Variants in TMEM63C observed in about 807,000 individuals in gnomAD.
TMEM63C encodes the protein transmembrane protein 63C.
TMEM63C carries 32 observed loss-of-function variants against 99.2 expected under a neutral mutation model. The ratio of observed to expected loss-of-function variants is 0.32; its 90% CI spans 0.24 to 0.43. TMEM63C has a LOEUF of 0.43. Ranked by LOEUF, TMEM63C falls within the 20% of genes least tolerant of loss-of-function variation. The pLI is 1.00. For missense variants in TMEM63C, 826 were observed against 1,053.0 expected, an observed-to-expected ratio of 0.78 and a Z score of 2.98; for synonymous variants, 376 against 397.9, an observed-to-expected ratio of 0.94 and a Z score of 0.66.
chr14:77,219,560 G>A lies in TMEM63C; in HGVS notation c.213G>A (p.Leu71=). The change falls in exon 4 of 24, where the codon CTG becomes CTA. Residue 71 remains leucine, a synonymous_variant. Transcript: ENST00000298351. ...CGTGGGACTATGGGCGCCTGGCTCT[G>A]CTGATACACAATGACAGGTGAGGAG... ...KAAWDYGRLA[L]LIHNDSLTSL... 1 of 1,613,990 alleles carries A rather than the reference G, an allele frequency of 6.2e-7. No individual in the cohort carries two copies. Among genetic ancestry groups the A allele is most frequent in the Non-Finnish European group, 8.5e-7 (1 of 1,179,896 alleles).
At chr14:77,237,604 T>G (rs914828587) in intron 9 of TMEM63C, among the ~76,000 whole-genome samples, 2 of 152,170 alleles carry the variant, frequency 1.3e-5, no homozygotes, top group Non-Finnish European at 2.9e-5. Context: ...TTCCACCAGC[T>G]CCCTGTCCAC....
chr14:77,218,275 G>C (rs1273647406), intron 2 of TMEM63C, among the ~76,000 whole-genome samples: 1 of 151,028 alleles, frequency 6.6e-6, no homozygotes, highest in South Asian at 2.1e-4. Flanking sequence ...GCACATGCCA[G>C]GCACTGCATT....
intron 5 of TMEM63C, among the ~76,000 whole-genome samples, chr14:77,223,514 G>A (rs931994299): frequency 2.0e-5 from 3 of 152,174 alleles, no homozygotes; most frequent in East Asian, 1.9e-4. Context: ...ACTCTGTCAC[G>A]TCAGCTGAGC....
In TMEM63C at chr14:77,248,421, T is replaced by C. The variant is rs775310673; in HGVS notation, c.1676T>C (p.Met559Thr). The change falls in exon 19 of 24, where the codon ATG becomes ACG. Residue 559 changes from methionine (M) to threonine (T), a missense_variant. Coordinates refer to ENST00000298351, the MANE Select transcript of TMEM63C (RefSeq NM_020431.4). Reference protein sequence around the residue: ...VITAALLGTGMELLRLGSLFC... With the variant: ...VITAALLGTGTELLRLGSLFC... ...ACGGCAGCTTTACTTGGCACAGGCATGGAGCTGCTGCGTCTGGGGTCACTC... is the reference window on the plus strand; with the variant it reads ...ACGGCAGCTTTACTTGGCACAGGCACGGAGCTGCTGCGTCTGGGGTCACTC... The C allele has an allele frequency of 1.3e-6, 2 of 1,596,642 alleles. No individual in the cohort carries two copies. Among genetic ancestry groups the C allele is most frequent in the Non-Finnish European group, 1.7e-6 (2 of 1,171,780 alleles).
At chr14:77,254,772 TATTACC>T (rs779437519) in intron 23 of TMEM63C, among the ~76,000 whole-genome samples, 1 of 152,196 alleles carries the variant, frequency 6.6e-6, no homozygotes, top group Non-Finnish European at 1.5e-5. Context: ...AATCTTGCCT[TATTACC>T]ACAGGGCTAT....
At chr14:77,214,444 CT>C (rs1413395989) in intron 2 of TMEM63C, among the ~76,000 whole-genome samples, 1 of 152,152 alleles carries the variant, frequency 6.6e-6, no homozygotes, top group East Asian at 1.9e-4. Flanking sequence ...CCCAGTCCAG[CT>C]TCCCTTTCCA....
intron 16 of TMEM63C, among the ~76,000 whole-genome samples, 167 bp from the exon 17 acceptor site, chr14:77,245,773 G>A (rs1376112317): frequency 2.0e-5 from 3 of 152,182 alleles, no homozygotes; most frequent in Non-Finnish European, 4.4e-5. Context: ...ATCTCCCACT[G>A]GGTCCCTCCC....
Position 77,220,091 on chromosome 14 carries a change from AGTGCTGGGAGCG to A in TMEM63C, c.312+7_312+18del. On this transcript the variant is annotated splice_donor_5th_base_variant and intron_variant, in intron 5 of 23. Coordinates refer to ENST00000298351, the MANE Select transcript of TMEM63C (RefSeq NM_020431.4). ...GGAGATGGAACGCAGAGACAAGGTGAGTGCTGGGAGCGGTCTGGGCGGTGGGAGTCCCAGCAC... is the reference window on the plus strand; with the variant it reads ...GGAGATGGAACGCAGAGACAAGGTGAGTCTGGGCGGTGGGAGTCCCAGCAC... 6.4e-7 allele frequency: 1 copy of A among 1,555,634 alleles called. No homozygotes were observed. The highest frequency in any genetic ancestry group is 1.2e-5 in the South Asian group (1 of 84,186).
chr14:77,208,387 C>T (rs1345841604), intron 1 of TMEM63C, among the ~76,000 whole-genome samples: 1 of 152,174 alleles, frequency 6.6e-6, no homozygotes, highest in African/African-American at 2.4e-5. Flanking sequence ...TCTCACACCA[C>T]CCCCTCCCTG....
At chr14:77,240,931 CTTTTTTTTTTT>C (rs575279817) in intron 13 of TMEM63C, among the ~76,000 whole-genome samples, 2 of 128,482 alleles carry the variant, frequency 1.6e-5, no homozygotes, top group Non-Finnish European at 3.2e-5. Flanking sequence ...TTCCCTTTTT[CTTTTTTTTTTT>C]TTTTCTTTTT....
chr14:77,224,296 C>T (rs188186880), intron 5 of TMEM63C, among the ~76,000 whole-genome samples: 168 of 152,132 alleles, frequency 1.1e-3, no homozygotes, highest in Non-Finnish European at 1.6e-3. Flanking sequence ...GCATAAGGCC[C>T]GCCTTCTAAG....
intron 13 of TMEM63C, among the ~76,000 whole-genome samples, chr14:77,241,816 G>A (rs1026639076): frequency 1.3e-5 from 2 of 152,180 alleles, no homozygotes; most frequent in Admixed American, 1.3e-4. Context: ...AGGATCCGGG[G>A]CTTAATTACA....
chr14:77,211,581 G>A (rs1888498402), intron 1 of TMEM63C, among the ~76,000 whole-genome samples: 1 of 152,218 alleles, frequency 6.6e-6, no homozygotes. Context: ...AAGGGGAAGT[G>A]GGAAGCAAAG....
chr14:77,242,987 C>T lies in TMEM63C; in HGVS notation c.1272C>T (p.Leu424=), dbSNP rs373898535. 2.2e-5 allele frequency: 36 copies of T among 1,614,030 alleles called. No homozygotes were observed. Among genetic ancestry groups the T allele is most frequent in the African/African-American group, 2.1e-4 (16 of 75,060 alleles). Residue 424 remains leucine, a synonymous_variant, in exon 15 of 24, where the codon CTC becomes CTT. Coordinates refer to ENST00000298351, the MANE Select transcript of TMEM63C (RefSeq NM_020431.4). ...NTFLFFLFFF[L]TTPAIIMNTI... ...TCCTCTTCTTCCTCTTCTTCTTTCT[C>T]ACCACGCCTGCCATCATCATGAACA...
At chr14:77,222,828 A>G (rs1287810889) in intron 5 of TMEM63C, among the ~76,000 whole-genome samples, 1 of 152,150 alleles carries the variant, frequency 6.6e-6, no homozygotes, top group Non-Finnish European at 1.5e-5. Flanking sequence ...AGCCACAGAA[A>G]ATGCATTCCT....
At chr14:77,185,086 T>A (rs1887974833) in intron 1 of TMEM63C, among the ~76,000 whole-genome samples, 1 of 152,196 alleles carries the variant, frequency 6.6e-6, no homozygotes, top group East Asian at 1.9e-4. Context: ...TAGTCATTAG[T>A]AATGCTCCCC....
At chr14:77,221,999 T>G (rs556589080) in intron 5 of TMEM63C, among the ~76,000 whole-genome samples, 1 of 152,050 alleles carries the variant, frequency 6.6e-6, no homozygotes, top group East Asian at 2.0e-4. Flanking sequence ...TGATCCCATA[T>G]CCTTCCCCTC....
chr14:77,227,337 G>A (rs1348857237), intron 6 of TMEM63C, among the ~76,000 whole-genome samples: 6 of 152,152 alleles, frequency 3.9e-5, no homozygotes, highest in African/African-American at 1.4e-4. Context: ...AGATCATAAG[G>A]CTACAGTCAG....
chr14:77,215,614 A>AAAAAAAAAAAGAAAAG (rs772701077), intron 2 of TMEM63C, among the ~76,000 whole-genome samples: 116 of 76,500 alleles, frequency 1.5e-3, no homozygotes, highest in Non-Finnish European at 1.8e-3. Context: ...AAAAAAAAAA[A>AAAAAAAAAAAGAAAAG]AAAAGAAAAG....
Sources: allele counts gnomAD v4.1 joint callset (sites outside exome capture counted in the v4.1 genomes callset), GRCh38; gene constraint gnomAD v4.1.1; transcripts MANE v1.5; gene names NCBI Gene and HGNC (gene_info 2026-07-23, HGNC 2026-07-21).